Variants in RYR1 observed in about 807,000 individuals in gnomAD.
RYR1 encodes ryanodine receptor 1.
In RYR1, 342 loss-of-function variants were observed where a neutral mutation model predicts 583.5. That is an observed-to-expected ratio of 0.59 (90% CI 0.54 to 0.64). RYR1 has a LOEUF of 0.64. RYR1 is among the 30% of genes least tolerant of loss of function. RYR1 has a pLI of 0.00. For missense variants in RYR1, 6,032 were observed against 6,917.2 expected, an observed-to-expected ratio of 0.87 and a Z score of 4.54; for synonymous variants, 2,791 against 2,822.5, an observed-to-expected ratio of 0.99 and a Z score of 0.35.
In RYR1 at chr19:38,565,283, GTGCGGCGGC is replaced by G. The variant is rs193922846; in HGVS notation, c.12960_12968del (p.Arg4321_Leu4323del). The G allele has an allele frequency of 1.0e-4, 104 of 1,005,090 alleles. No homozygotes were observed. Among genetic ancestry groups the G allele is most frequent in the East Asian group, 5.2e-4 (5 of 9,646 alleles). 62.3% of individuals were successfully genotyped at this position (1,005,090 alleles called of 1,614,324 possible). A position where few individuals can be genotyped will look rare whatever the true frequency, so the allele number is the denominator to read the frequency against. On this transcript the variant is annotated inframe_deletion, in exon 91 of 106. Transcript: ENST00000359596. This position sits in a 1 kb window ranked among gnomAD's most constrained non-coding sequence, Gnocchi z 4.7. Reference sequence around the variant, plus strand: ...CAGCTACCGCAGCCTGCGGCGGCGCGTGCGGCGGCTGCGGCGGCTTACGGCCCGCGAGGC... The same window carrying G: ...CAGCTACCGCAGCCTGCGGCGGCGCGTGCGGCGGCTTACGGCCCGCGAGGC...
intron 29 of RYR1, 121 bp from the exon 30 acceptor site, chr19:38,477,589 C>T: frequency 7.9e-7 from 1 of 1,260,388 alleles, no homozygotes; most frequent in African/African-American, 1.5e-5. Flanking sequence ...GACTCAGATC[C>T]AACAACTTCC....
At chr19:38,506,762 GA>G in intron 56 of RYR1, 66 bp from the exon 57 acceptor site, 2 of 1,610,660 alleles carry the variant, frequency 1.2e-6, no homozygotes, top group Non-Finnish European at 1.7e-6. Flanking sequence ...GGCACTGCAG[GA>G]ACCACTTCAG....
chr19:38,451,839 G>A lies in RYR1; in HGVS notation c.1198G>A (p.Ala400Thr), dbSNP rs777016690. 8.1e-6 allele frequency: 13 copies of A among 1,614,048 alleles called. No individual in the cohort carries two copies. The highest frequency in any genetic ancestry group is 2.7e-5 in the African/African-American group (2 of 74,988). ...TRCQQEESQA[A>T]RMIHSTNGLY... ...CTGCCAGCAGGAGGAGTCCCAGGCC[G>A]CCCGCATGATCCACAGCACCAATGG... The change falls in exon 12 of 106, where the codon GCC becomes ACC. Residue 400 changes from alanine (A) to threonine (T), a missense_variant. Ala to Thr is a moderately conservative substitution (Grantham distance 58). Coordinates refer to ENST00000359596, the MANE Select transcript of RYR1 (RefSeq NM_000540.3).
chr19:38,525,587 A>C, intron 71 of RYR1, 85 bp downstream of exon 71: 17 of 1,411,300 alleles, frequency 1.2e-5, no homozygotes, highest in Non-Finnish European at 1.6e-5. Context: ...AACAACCACA[A>C]TGCCACTGAG....
chr19:38,537,887 G>A lies in RYR1; in HGVS notation c.11616G>A (p.Lys3872=). 6.2e-7 allele frequency: 1 copy of A among 1,614,080 alleles called. No homozygotes were observed. Among genetic ancestry groups the A allele is most frequent in the East Asian group, 2.2e-5 (1 of 44,882 alleles). The stretch of plus-strand genomic sequence containing the variant: ...CCCCTCCCTTCCACCTAGGAGAGAA[G>A]GTCATGGCGGATGATGAATTCACAC... The part of the protein sequence containing the change: ...GTVINRQNGE[K]VMADDEFTQD... Residue 3872 remains lysine, a synonymous_variant, in exon 84 of 106, where the codon AAG becomes AAA. Transcript: ENST00000359596.
intron 29 of RYR1, among the ~76,000 whole-genome samples, chr19:38,475,886 A>G (rs942646538): frequency 3.3e-5 from 5 of 152,228 alleles, no homozygotes; most frequent in Admixed American, 6.5e-5. Context: ...CAGACAGCCT[A>G]GTGCAGTGCT....
At chr19:38,537,010 C>G in intron 83 of RYR1, 1 of 595,026 alleles carries the variant, frequency 1.7e-6, no homozygotes. Context: ...CTAAGCTTCA[C>G]TTTCCCCATG....
At chr19:38,560,742 AAAAAAAAAG>A (rs890931559) in intron 89 of RYR1, among the ~76,000 whole-genome samples, 3 of 150,630 alleles carry the variant, frequency 2.0e-5, no homozygotes, top group African/African-American at 7.3e-5. Flanking sequence ...AAAAAAAAAA[AAAAAAAAAG>A]AGAAAGAAAA....
chr19:38,455,132 C>T (rs1405503407), intron 13 of RYR1, 103 bp from the exon 14 acceptor site: 6 of 1,353,982 alleles, frequency 4.4e-6, no homozygotes, highest in Non-Finnish European at 5.3e-6. Flanking sequence ...GGGAACACAC[C>T]GTCACTAGTT....
chr19:38,562,571 C>T (rs948314340), intron 90 of RYR1, among the ~76,000 whole-genome samples: 2 of 152,164 alleles, frequency 1.3e-5, no homozygotes, highest in Non-Finnish European at 2.9e-5. Context: ...TCAGGGGACA[C>T]CAGCTCATGC....
At chr19:38,567,946 T>A (rs773944140) in intron 93 of RYR1, 29 bp downstream of exon 93, 11 of 1,611,538 alleles carry the variant, frequency 6.8e-6, no homozygotes, top group African/African-American at 5.3e-5. Flanking sequence ...CACCTGAACC[T>A]TCTTCTCCCC....
At chr19:38,436,942 T>G (rs1972454281) in intron 1 of RYR1, among the ~76,000 whole-genome samples, 1 of 152,024 alleles carries the variant, frequency 6.6e-6, no homozygotes, top group Non-Finnish European at 1.5e-5. Flanking sequence ...TGGTAAACAG[T>G]ACGTATTCCC....
At position 38,505,846 on chromosome 19, in the gene RYR1, A is replaced by G. The variant is rs759717284; in HGVS notation, c.8441A>G (p.Lys2814Arg). The G allele has an allele frequency of 1.1e-5, 18 of 1,614,046 alleles. No individual in the cohort carries two copies. The Admixed American group carries it at 3.0e-4, about 27-fold the overall frequency. Reference sequence around the variant, plus strand: ...CGCTGGCCCATCAAGGAGTCCCTGAAGGCCATGATTGCCTGGGAATGGACG... The same window carrying G: ...CGCTGGCCCATCAAGGAGTCCCTGAGGGCCATGATTGCCTGGGAATGGACG... Reference protein sequence around the residue: ...IYRWPIKESLKAMIAWEWTIE... With the variant: ...IYRWPIKESLRAMIAWEWTIE... Residue 2814 changes from lysine (K) to arginine (R), a missense_variant, in exon 54 of 106, where the codon AAG becomes AGG. Lys to Arg is a conservative substitution (Grantham distance 26, BLOSUM62 2). Around this residue, in one of 11 missense-constraint regions of RYR1, gnomAD observed 1,493 missense variants for 1,715.5 expected, o/e 0.87. Coordinates refer to ENST00000359596, the MANE Select transcript of RYR1 (RefSeq NM_000540.3).
chr19:38,470,484 A>G (rs901040015), intron 27 of RYR1, among the ~76,000 whole-genome samples: 1 of 151,494 alleles, frequency 6.6e-6, no homozygotes, highest in African/African-American at 2.4e-5. Flanking sequence ...TCATGCCTGT[A>G]ATCCCAGCAC....
chr19:38,514,973 G>A (rs974108317), intron 63 of RYR1, 53 bp from the exon 64 acceptor site: 1 of 1,264,598 alleles, frequency 7.9e-7, no homozygotes, highest in Admixed American at 1.7e-5. Flanking sequence ...GGTGGGGTGG[G>A]GAGGGCTTGT....
intron 92 of RYR1, among the ~76,000 whole-genome samples, chr19:38,567,500 C>T (rs1286216496): frequency 1.3e-5 from 2 of 152,146 alleles, no homozygotes; most frequent in Non-Finnish European, 2.9e-5. Flanking sequence ...GAGGAGGTGT[C>T]TCCTCCAGAT....
chr19:38,552,777 C>T (rs1972720224), intron 89 of RYR1, among the ~76,000 whole-genome samples: 2 of 152,248 alleles, frequency 1.3e-5, no homozygotes, highest in South Asian at 4.1e-4. Flanking sequence ...CTCAGCCCTA[C>T]TCTCGAGCCT....
At position 38,566,891 on chromosome 19, in the gene RYR1, G is replaced by A. The variant is rs1253227114; in HGVS notation, c.13438-20G>A. The A allele has an allele frequency of 6.3e-7, 1 of 1,597,116 alleles. No individual in the cohort carries two copies. The highest frequency in any genetic ancestry group is 1.7e-4 in the Middle Eastern group (1 of 6,054). ...GCGCTTAGGGTGAGGACTCAGCCCTGATGCTTGCCCTGTCCCTAGGTGGAT... is the reference window on the plus strand; with the variant it reads ...GCGCTTAGGGTGAGGACTCAGCCCTAATGCTTGCCCTGTCCCTAGGTGGAT... On this transcript the variant is annotated intron_variant, in intron 91 of 105. Coordinates refer to ENST00000359596, the MANE Select transcript of RYR1 (RefSeq NM_000540.3).
chr19:38,554,242 A>G (rs1216527512), intron 89 of RYR1, among the ~76,000 whole-genome samples: 1 of 149,510 alleles, frequency 6.7e-6, no homozygotes, highest in Non-Finnish European at 1.5e-5. Context: ...ACCTGAGGTC[A>G]GGAGTTCGAG....
Sources: allele counts gnomAD v4.1 joint callset (sites outside exome capture counted in the v4.1 genomes callset), GRCh38; gene constraint gnomAD v4.1.1; regional missense constraint gnomAD v4.1.1; non-coding constraint Gnocchi (gnomAD v3.1); transcripts MANE v1.5; gene names NCBI Gene and HGNC (gene_info 2026-07-23, HGNC 2026-07-21).